INO80: variants seen among roughly 807,000 people sequenced by gnomAD.
The protein encoded by INO80 is INO80 complex ATPase subunit.
Under a neutral mutation model 203.4 loss-of-function variants are expected in INO80, and 20 were observed. The observed-to-expected ratio is 0.10, with a 90% CI of 0.07 to 0.14. INO80 has a LOEUF of 0.14. Ranked by LOEUF, INO80 falls within the 10% of genes least tolerant of loss-of-function variation. The pLI is 1.00. For synonymous variants in INO80, 726 were observed against 685.2 expected (o/e 1.06, Z -0.93); for missense variants, 1,419 against 1,914.4 (o/e 0.74, Z 4.83).
chr15:40,997,767 T>C, intron 28 of INO80, 166 bp from the exon 29 acceptor site: 1 of 520,776 alleles, frequency 1.9e-6, no homozygotes, highest in Non-Finnish European at 3.5e-6. Context: ...ACAATGTTGC[T>C]CTGTTGTTAC....
chr15:41,054,103 T>G lies in INO80; in HGVS notation c.2189-89A>C. 3.2e-6 allele frequency: 3 copies of G among 948,702 alleles called. No individual in the cohort carries two copies. The South Asian group carries it at 4.7e-5, about 15-fold the overall frequency. The allele number at this position is 948,702 out of a possible 1,614,324, so 58.8% of individuals were successfully genotyped here. Reference sequence around the variant, plus strand: ...ATACCACATTCACCTCTCACCAAACTCTTCAAAACTCCTTTGGCTCAATGA... The same window carrying G: ...ATACCACATTCACCTCTCACCAAACGCTTCAAAACTCCTTTGGCTCAATGA... On this transcript the variant is annotated intron_variant, in intron 18 of 35. Transcript: ENST00000648947.
Position 41,069,617 on chromosome 15 carries a change from G to C in INO80, c.1735C>G (p.Leu579Val). 1 of 1,612,090 alleles carries C rather than the reference G, an allele frequency of 6.2e-7. No individual in the cohort carries two copies. The change falls in exon 14 of 36, where the codon CTT (leucine) becomes GTT (valine). Residue 579 changes from leucine (L) to valine (V), a missense_variant. Transcript: ENST00000648947. ...GTAAACTCCTGGTGCCAATTGTTAA[G>C]TGTAGACGCAGGTGAAATTATTAAG... ...PFLIISPAST[L>V]NNWHQEFTRF... is the part of the protein sequence containing the mutation.
chr15:41,112,858 C>T (rs1016188427), intron 1 of INO80, among the ~76,000 whole-genome samples: 1 of 151,342 alleles, frequency 6.6e-6, no homozygotes, highest in African/African-American at 2.4e-5. Context: ...CTATTAACCC[C>T]AACCCACTTT....
At chr15:40,997,748 A>C in intron 28 of INO80, 147 bp from the exon 29 acceptor site, 1 of 592,518 alleles carries the variant, frequency 1.7e-6, no homozygotes, top group South Asian at 1.8e-5. Flanking sequence ...TATTTCTGTA[A>C]AGCATTATAC....
At chr15:41,033,992 G>A (rs1177863276) in intron 24 of INO80, among the ~76,000 whole-genome samples, 2 of 152,092 alleles carry the variant, frequency 1.3e-5, no homozygotes, top group Non-Finnish European at 2.9e-5. Flanking sequence ...AACCTGGGAG[G>A]CAGAGCTTGC....
At chr15:41,059,398 G>T (rs1318030197) in intron 15 of INO80, among the ~76,000 whole-genome samples, 1 of 151,282 alleles carries the variant, frequency 6.6e-6, no homozygotes, top group Non-Finnish European at 1.5e-5. Flanking sequence ...GCCGAGGCAG[G>T]AGGATCACTT....
At chr15:41,005,514 A>T (rs1401039834) in intron 28 of INO80, 79 bp downstream of exon 28, 50 of 193,454 alleles carry the variant, frequency 2.6e-4, no homozygotes, top group Non-Finnish European at 4.0e-4. Context: ...CCTGGCATTT[A>T]AAAAAAAAAA....
chr15:41,080,405 T>C (rs2045468363), intron 8 of INO80, among the ~76,000 whole-genome samples: 2 of 152,150 alleles, frequency 1.3e-5, no homozygotes, highest in African/African-American at 4.8e-5. Context: ...AGGAAGTTGT[T>C]TTAGTCTCCT....
intron 27 of INO80, among the ~76,000 whole-genome samples, chr15:41,014,448 T>G (rs2044174940): frequency 6.6e-6 from 1 of 152,194 alleles, no homozygotes; most frequent in African/African-American, 2.4e-5. Context: ...ATCATCTGTT[T>G]GAACAGAACA....
At chr15:41,088,844 T>G (rs1399467314) in intron 5 of INO80, among the ~76,000 whole-genome samples, 1 of 152,182 alleles carries the variant, frequency 6.6e-6, no homozygotes, top group Admixed American at 6.5e-5. Flanking sequence ...TAAAGTCTGA[T>G]AACTTTCCTA....
At chr15:41,015,043 A>G (rs1365520026) in intron 27 of INO80, among the ~76,000 whole-genome samples, 3 of 152,170 alleles carry the variant, frequency 2.0e-5, no homozygotes, top group Non-Finnish European at 4.4e-5. Flanking sequence ...ATAAAGACTT[A>G]TTGTACTAGT....
In INO80 at chr15:41,027,646, G is replaced by A. The variant is rs149600837; in HGVS notation, c.2998C>T (p.Arg1000Cys). 1,067 of 1,613,834 alleles carry A rather than the reference G, an allele frequency of 6.6e-4. 1 individual carries two copies. Among genetic ancestry groups the A allele is most frequent in the Non-Finnish European group, 8.6e-4 (1,012 of 1,179,920 alleles). The change falls in exon 25 of 36, where the codon CGC becomes TGC. Residue 1000 changes from arginine (R) to cysteine (C), a missense_variant. Transcript: ENST00000648947. The part of the protein sequence containing the change: ...QRRSATSSLR[R>C]CLLTELPSFL... ...GATGGCAGCTCAGTGAGCAGGCAGC[G>A]ACGCAGCGAGGAGGTAGCTGATCTC...
chr15:41,088,456 T>A (rs2045592203), intron 5 of INO80, among the ~76,000 whole-genome samples: 1 of 152,104 alleles, frequency 6.6e-6, no homozygotes, highest in African/African-American at 2.4e-5. Flanking sequence ...TAGTCACCAG[T>A]CATCCCAATT....
At chr15:40,997,456 T>C in intron 29 of INO80, 73 bp downstream of exon 29, 3 of 981,086 alleles carry the variant, frequency 3.1e-6, no homozygotes, top group Non-Finnish European at 4.9e-6. Flanking sequence ...CAATGCCATA[T>C]TAGAAAAACC....
intron 24 of INO80, among the ~76,000 whole-genome samples, chr15:41,029,117 C>T (rs2044421174): frequency 6.6e-6 from 1 of 152,184 alleles, no homozygotes; most frequent in African/African-American, 2.4e-5. Flanking sequence ...AGATAACATA[C>T]AAGGCAGTCT....
chr15:41,062,110 T>C (rs1292180600), intron 14 of INO80, among the ~76,000 whole-genome samples: 1 of 152,062 alleles, frequency 6.6e-6, no homozygotes, highest in Non-Finnish European at 1.5e-5. Context: ...ACATAAAATA[T>C]ATAAGCAATA....
Position 41,047,431 on chromosome 15 carries a change from A to G in INO80, c.2712T>C (p.Leu904=), listed in dbSNP as rs2044788006. The G allele has an allele frequency of 2.5e-6, 4 of 1,613,532 alleles. No individual in the cohort carries two copies. The East Asian group carries it at 8.9e-5, about 36-fold the overall frequency. ...ACCTGGCCAAAAGTCCCTGAAGCAT[A>G]AGGTTTGCCATTTCTGCTGGAGATA... is the stretch of plus-strand genomic sequence containing the variant. ...IDISPAEMAN[L]MLQGLLARWL... is the part of the protein sequence containing the mutation. The change falls in exon 23 of 36, where the codon CTT becomes CTC. Residue 904 remains leucine, a synonymous_variant. Transcript: ENST00000648947.
intron 1 of INO80, among the ~76,000 whole-genome samples, chr15:41,110,564 G>A (rs918882956): frequency 1.3e-5 from 2 of 151,792 alleles, no homozygotes; most frequent in East Asian, 3.9e-4. Flanking sequence ...TCGGCCTCCA[G>A]AGTAGCTGGG....
At chr15:41,060,150 G>A (rs1443892495) in intron 14 of INO80, among the ~76,000 whole-genome samples, 4 of 152,188 alleles carry the variant, frequency 2.6e-5, no homozygotes, top group Non-Finnish European at 4.4e-5. Context: ...CTGAGACAGT[G>A]GGCAATTACA....
Sources: allele counts gnomAD v4.1 joint callset (sites outside exome capture counted in the v4.1 genomes callset), GRCh38; gene constraint gnomAD v4.1.1; transcripts MANE v1.5; gene names NCBI Gene and HGNC (gene_info 2026-07-23, HGNC 2026-07-21).